The following ACCS variants were observed in gnomAD, a reference collection of about 807,000 sequenced individuals.
The protein encoded by ACCS is 1-aminocyclopropane-1-carboxylate synthase homolog (inactive).
ACCS carries 42 observed loss-of-function variants against 59.8 expected under a neutral mutation model. The ratio of observed to expected loss-of-function variants is 0.70; its 90% CI spans 0.55 to 0.91. The LOEUF (loss-of-function observed/expected upper bound fraction) is 0.91, where lower values mean the gene tolerates loss of function less well. ACCS is among the 40% of genes least tolerant of loss of function. ACCS has a pLI of 0.00. For missense variants in ACCS, 602 were observed against 630.4 expected, an observed-to-expected ratio of 0.95 and a Z score of 0.48; for synonymous variants, 230 against 240.3, an observed-to-expected ratio of 0.96 and a Z score of 0.40.
At position 44,066,293 on chromosome 11, in the gene ACCS, T is replaced by A. The variant is rs1456666473; in HGVS notation, c.-409T>A. ...CTACACGTGATGGGCGCCCACCGAG[T>A]GCCAGCACCGCCTCCTCCAGCTCCG... On this transcript the variant is annotated 5_prime_UTR_variant, in exon 1 of 15. Coordinates refer to ENST00000263776, the MANE Select transcript of ACCS (RefSeq NM_032592.4). The A allele has an allele frequency of 1.3e-5, 2 of 150,876 alleles. No individual in the cohort carries two copies. The highest frequency in any genetic ancestry group is 3.0e-5 in the Non-Finnish European group (2 of 67,656). 9.3% of individuals were successfully genotyped at this position (150,876 alleles called of 1,614,324 possible).
At position 44,067,920 on chromosome 11, in the gene ACCS, G is replaced by A; in HGVS notation, c.288+5G>A. 1.9e-6 allele frequency: 3 copies of A among 1,589,316 alleles called. No homozygotes were observed. Among genetic ancestry groups the A allele is most frequent in the Non-Finnish European group, 2.6e-6 (3 of 1,168,048 alleles). On this transcript the variant is annotated splice_donor_5th_base_variant and intron_variant, in intron 2 of 14. Transcript: ENST00000263776. ...GATGAGGACAAGAACCCCAGTGTGA[G>A]TGAAGCTCCCCTCCCACTGGGACCC...
At chr11:44,068,010 T>G (rs575554327) in intron 2 of ACCS, 95 bp downstream of exon 2, 2 of 1,386,288 alleles carry the variant, frequency 1.4e-6, no homozygotes, top group African/African-American at 2.9e-5. Context: ...CCTGCTCTTA[T>G]GAGGTTGGAG....
chr11:44,066,892 G>T (rs1008109312), intron 1 of ACCS, among the ~76,000 whole-genome samples, 191 bp downstream of exon 1: 3 of 152,198 alleles, frequency 2.0e-5, no homozygotes, highest in African/African-American at 7.2e-5. Context: ...TTGAACTTTG[G>T]TCATCAGCCA....
At position 44,081,184 on chromosome 11, in the gene ACCS, C is replaced by T. The variant is rs760361959; in HGVS notation, c.975C>T (p.Phe325=). The T allele has an allele frequency of 2.0e-5, 33 of 1,614,102 alleles. No homozygotes were observed. In the Admixed American group the frequency reaches 2.2e-4, roughly 11 times the overall value. The change falls in exon 12 of 15, where the codon TTC becomes TTT. Residue 325 remains phenylalanine (F), a synonymous_variant. Transcript: ENST00000263776. ...THVMWATSKD[F]GMSGLRFGTL... ...TAGGGTGCTTCTTCCTGCAGGACTT[C>T]GGGATGTCTGGGCTCCGCTTTGGCA... is the stretch of plus-strand genomic sequence containing the variant.
rs540392098 is a variant in ACCS at position 44,078,984 on chromosome 11, A to G, written c.833+200A>G. 3.1e-4 allele frequency: 178 copies of G among 576,584 alleles called. 1 individual carries two copies. The highest frequency in any genetic ancestry group is 1.5e-3 in the South Asian group (69 of 47,324). The allele number at this position is 576,584 out of a possible 1,614,324, so 35.7% of individuals were successfully genotyped here. ...TCTTTCACTCTTTATAACAATAGCT[A>G]TCAATTAGCGCACACTCTAGGGGCC... On this transcript the variant is annotated intron_variant, in intron 9 of 14. Coordinates refer to ENST00000263776, the MANE Select transcript of ACCS (RefSeq NM_032592.4).
At chr11:44,071,170 T>C in intron 2 of ACCS, 86 bp from the exon 3 acceptor site, 3 of 1,413,814 alleles carry the variant, frequency 2.1e-6, no homozygotes, top group East Asian at 2.3e-5. Context: ...GCTCCCACTT[T>C]GCTTTGCTGC....
chr11:44,077,249 TGACA>T lies in ACCS; in HGVS notation c.557-28_557-25del, dbSNP rs553851890. Reference sequence around the variant, plus strand: ...GGTCTGGGGTGTTCTGGCCAGAAAGTGACAGGCCCTCGCCCACTCCTGCCCCCAG... The same window carrying T: ...GGTCTGGGGTGTTCTGGCCAGAAAGTGGCCCTCGCCCACTCCTGCCCCCAG... On this transcript the variant is annotated intron_variant, in intron 6 of 14. Transcript: ENST00000263776. 3.5e-4 allele frequency: 567 copies of T among 1,606,210 alleles called. 4 individuals are homozygous for T. The South Asian group carries it at 6.1e-3, about 17-fold the overall frequency.
intron 10 of ACCS, 52 bp downstream of exon 10, chr11:44,079,672 C>A: frequency 2.0e-6 from 3 of 1,529,850 alleles, no homozygotes; most frequent in East Asian, 2.4e-5. Flanking sequence ...TCCCACGGAG[C>A]CCTGGCCACT....
intron 8 of ACCS, 53 bp from the exon 9 acceptor site, chr11:44,078,631 G>A: frequency 6.5e-7 from 1 of 1,549,326 alleles, no homozygotes; most frequent in Non-Finnish European, 8.9e-7. Flanking sequence ...TGACTGTGTG[G>A]CTCTGGCCTT....
intron 2 of ACCS, among the ~76,000 whole-genome samples, chr11:44,068,160 C>T (rs576097653): frequency 3.3e-5 from 5 of 152,158 alleles, no homozygotes; most frequent in Non-Finnish European, 7.4e-5. Flanking sequence ...ATATGATGTT[C>T]TATGGATTCT....
At chr11:44,077,567 C>G (rs1407508093) in intron 7 of ACCS, 191 bp downstream of exon 7, 2 of 1,441,372 alleles carry the variant, frequency 1.4e-6, no homozygotes, top group African/African-American at 2.9e-5. Flanking sequence ...TCTGAGATCC[C>G]TGGGGTTGAT....
intron 3 of ACCS, 31 bp from the exon 4 acceptor site, chr11:44,073,416 C>A: frequency 6.3e-7 from 1 of 1,589,070 alleles, no homozygotes. Context: ...AGTGCTGGCC[C>A]TCAGCCGTGC....
Position 44,083,699 on chromosome 11 carries a change from G to T in ACCS, c.1413G>T (p.Met471Ile). 6.2e-7 allele frequency: 1 copy of T among 1,614,224 alleles called. No homozygotes were observed. The highest frequency in any genetic ancestry group is 8.5e-7 in the Non-Finnish European group (1 of 1,180,036). Residue 471 changes from methionine to isoleucine, a missense_variant, in exon 15 of 15, where the codon ATG becomes ATT. Coordinates refer to ENST00000263776, the MANE Select transcript of ACCS (RefSeq NM_032592.4). ...CCCCTCACTTCCCCTTCCCAGGGAT[G>T]CAGAGGGTCCAGCAGGTGCTTGCAG... ...SDQVHRLCLG[M>I]QRVQQVLAGK... is the part of the protein sequence containing the mutation.
At chr11:44,068,929 A>G (rs1952915846) in intron 2 of ACCS, among the ~76,000 whole-genome samples, 2 of 152,342 alleles carry the variant, frequency 1.3e-5, no homozygotes, top group South Asian at 4.1e-4. Context: ...CAGAGAAAAT[A>G]TATGTATACT....
At position 44,083,717 on chromosome 11, in the gene ACCS, G is replaced by A; in HGVS notation, c.1431G>A (p.Val477=). ...LCLGMQRVQQ[V]LAGKSQVAED... ...CAGGGATGCAGAGGGTCCAGCAGGTGCTTGCAGGCAAATCCCAAGTGGCAG... is the reference window on the plus strand; with the variant it reads ...CAGGGATGCAGAGGGTCCAGCAGGTACTTGCAGGCAAATCCCAAGTGGCAG... Residue 477 remains valine (V), a synonymous_variant, in exon 15 of 15, where the codon GTG becomes GTA. Coordinates refer to ENST00000263776, the MANE Select transcript of ACCS (RefSeq NM_032592.4). 6.2e-7 allele frequency: 1 copy of A among 1,614,156 alleles called. No individual in the cohort carries two copies. The highest frequency in any genetic ancestry group is 1.3e-5 in the African/African-American group (1 of 75,054).
At chr11:44,072,617 T>G (rs924599029) in intron 3 of ACCS, among the ~76,000 whole-genome samples, 1 of 152,228 alleles carries the variant, frequency 6.6e-6, no homozygotes, top group South Asian at 2.1e-4. Context: ...TATATTTTAT[T>G]TAGCCCAATA....
intron 12 of ACCS, among the ~76,000 whole-genome samples, chr11:44,082,842 G>A (rs1195504540): frequency 1.3e-5 from 2 of 152,128 alleles, no homozygotes; most frequent in African/African-American, 4.8e-5. Flanking sequence ...CTTGGTCTGT[G>A]GGACTACAGA....
chr11:44,066,806 G>T (rs1367888746), intron 1 of ACCS, 105 bp downstream of exon 1: 2 of 152,280 alleles, frequency 1.3e-5, no homozygotes, highest in Non-Finnish European at 2.9e-5. Flanking sequence ...GGTGCGCCCA[G>T]TGTTACCAGA....
At position 44,083,331 on chromosome 11, in the gene ACCS, G is replaced by A. The variant is rs201702131; in HGVS notation, c.1254+20G>A. ...AGAAAGGTAATGCTGGTGGAGGTGC[G>A]GGCTGAGAGGGAGTTTCAGGTCTCC... On this transcript the variant is annotated intron_variant, in intron 13 of 14. Transcript: ENST00000263776. 424 of 1,613,222 alleles carry A rather than the reference G, an allele frequency of 2.6e-4. 1 individual carries two copies. The highest frequency in any genetic ancestry group is 3.2e-4 in the Non-Finnish European group (383 of 1,179,394).
Sources: gnomAD v4.1 joint callset for allele counts (sites outside exome capture counted in the v4.1 genomes callset) on GRCh38, gnomAD v4.1.1 for gene constraint, MANE v1.5 for transcripts, NCBI Gene and HGNC (gene_info 2026-07-23, HGNC 2026-07-21) for gene names.